Variants in MTHFD2L observed in about 807,000 individuals in gnomAD.
The protein encoded by MTHFD2L is bifunctional methylenetetrahydrofolate dehydrogenase/cyclohydrolase 2, mitochondrial.
In MTHFD2L, 29 loss-of-function variants were observed where a neutral mutation model predicts 34.9. The ratio of observed to expected loss-of-function variants is 0.83; its 90% CI spans 0.62 to 1.13. MTHFD2L has a LOEUF of 1.13. MTHFD2L is among the 50% of genes most tolerant of loss of function. The probability of loss-of-function intolerance (pLI) is 0.00; values close to 1 mark genes in which losing one functional copy is unlikely to be tolerated. For missense variants in MTHFD2L, 481 were observed against 446.5 expected (o/e 1.08, Z -0.70); for synonymous variants, 167 against 155.7 (o/e 1.07, Z -0.54).
At chr4:74,241,540 C>G in intron 6 of MTHFD2L, 1 of 440,592 alleles carries the variant, frequency 2.3e-6, no homozygotes, top group Non-Finnish European at 4.6e-6. Flanking sequence ...CACCACCATG[C>G]GTAGCTAATT....
intron 3 of MTHFD2L, among the ~76,000 whole-genome samples, chr4:74,199,228 T>G (rs1733993669): frequency 6.6e-6 from 1 of 152,128 alleles, no homozygotes; most frequent in African/African-American, 2.4e-5. Context: ...CAAATCATAG[T>G]AATATTTTTT....
At chr4:74,158,025 G>GTTCCGGCAGAC, upstream of MTHFD2L, 1 of 1,467,340 alleles carries the variant, frequency 6.8e-7, no homozygotes, top group Non-Finnish European at 9.2e-7. Flanking sequence ...ACCTGGCTGG[G>GTTCCGGCAGAC]AAGCGCTACT....
At chr4:74,224,014 A>C (rs1738689392) in intron 5 of MTHFD2L, 1 of 152,006 alleles carries the variant, frequency 6.6e-6, no homozygotes, top group African/African-American at 2.4e-5. Flanking sequence ...CTCATCATTG[A>C]ATGAGTTGGA....
intron 6 of MTHFD2L, among the ~76,000 whole-genome samples, chr4:74,248,968 G>A (rs543781404): frequency 3.5e-4 from 53 of 151,972 alleles, no homozygotes; most frequent in Non-Finnish European, 6.2e-4. Context: ...TTGATTTGGG[G>A]TGGAGAGTTC....
At chr4:74,200,493 C>G (rs974900149) in intron 4 of MTHFD2L, among the ~76,000 whole-genome samples, 2 of 152,120 alleles carry the variant, frequency 1.3e-5, no homozygotes, top group African/African-American at 4.8e-5. Context: ...GAAAACTTTT[C>G]TAAAATATAT....
chr4:74,174,827 C>T, intron 2 of MTHFD2L, 137 bp downstream of exon 2: 1 of 611,942 alleles, frequency 1.6e-6, no homozygotes, highest in Admixed American at 4.0e-5. Flanking sequence ...TATTCAGTTA[C>T]CAAAGCTTAT....
At chr4:74,165,483 G>A (rs1229377231) in intron 1 of MTHFD2L, among the ~76,000 whole-genome samples, 5 of 151,994 alleles carry the variant, frequency 3.3e-5, no homozygotes, top group African/African-American at 9.7e-5. Context: ...TCAACCTCCC[G>A]AGTAGCTGGG....
intron 1 of MTHFD2L, among the ~76,000 whole-genome samples, chr4:74,127,674 A>G (rs1293542536): frequency 1.3e-5 from 2 of 152,140 alleles, no homozygotes; most frequent in African/African-American, 4.8e-5. Flanking sequence ...GGTTGATTAC[A>G]TATTTTGTCT....
At chr4:74,178,153 A>T (rs1233418639) in intron 3 of MTHFD2L, among the ~76,000 whole-genome samples, 11 of 152,050 alleles carry the variant, frequency 7.2e-5, no homozygotes. Context: ...GACAGGAATA[A>T]GTTGTGGAGG....
At chr4:74,208,932 T>A (rs1477694760) in intron 5 of MTHFD2L, among the ~76,000 whole-genome samples, 2 of 152,056 alleles carry the variant, frequency 1.3e-5, no homozygotes, top group Admixed American at 6.6e-5. Context: ...GAGGGTGCTG[T>A]TTTGGGGAAA....
chr4:74,158,910 T>C (rs183604035), intron 1 of MTHFD2L, among the ~76,000 whole-genome samples: 1 of 152,282 alleles, frequency 6.6e-6, no homozygotes, highest in African/African-American at 2.4e-5. Flanking sequence ...TCTTATGCTT[T>C]ACCAGTCTTA....
chr4:74,141,610 C>T (rs1031221685), intron 1 of MTHFD2L, among the ~76,000 whole-genome samples: 3 of 152,198 alleles, frequency 2.0e-5, no homozygotes, highest in African/African-American at 7.2e-5. Context: ...ACTGACTTGA[C>T]ACAAAATTTC....
chr4:74,168,162 C>T (rs528518709), intron 1 of MTHFD2L, among the ~76,000 whole-genome samples: 5 of 152,298 alleles, frequency 3.3e-5, no homozygotes, highest in South Asian at 4.1e-4. Context: ...TAAATGGCTT[C>T]GTGTCTCACA....
chr4:74,283,803 C>T (rs920604625), intron 7 of MTHFD2L, among the ~76,000 whole-genome samples: 5 of 152,048 alleles, frequency 3.3e-5, no homozygotes, highest in African/African-American at 4.8e-5. Flanking sequence ...GAAGGCTTTG[C>T]CAGTGAGGCC....
At chr4:74,289,420 T>G (rs1326443568) in intron 7 of MTHFD2L, among the ~76,000 whole-genome samples, 1 of 151,950 alleles carries the variant, frequency 6.6e-6, no homozygotes, top group African/African-American at 2.4e-5. Context: ...AAACAGTAAG[T>G]AAGGAAGTGA....
At chr4:74,237,833 A>C (rs960544855) in intron 6 of MTHFD2L, among the ~76,000 whole-genome samples, 1 of 152,288 alleles carries the variant, frequency 6.6e-6, no homozygotes, top group Admixed American at 6.5e-5. Flanking sequence ...GTTCAAAAAA[A>C]GGTAGGGGAG....
chr4:74,208,782 C>T (rs536343732), intron 5 of MTHFD2L, among the ~76,000 whole-genome samples: 2 of 152,272 alleles, frequency 1.3e-5, no homozygotes, highest in South Asian at 2.1e-4. Flanking sequence ...TCTCTCAGAG[C>T]GCCACCCAGT....
At chr4:74,281,953 G>T (rs977978661) in intron 7 of MTHFD2L, among the ~76,000 whole-genome samples, 2 of 152,076 alleles carry the variant, frequency 1.3e-5, no homozygotes, top group Non-Finnish European at 2.9e-5. Flanking sequence ...GAGCCAGAAG[G>T]CACCTTAGGG....
At chr4:74,220,859 T>G (rs1204989415) in intron 5 of MTHFD2L, among the ~76,000 whole-genome samples, 1 of 150,992 alleles carries the variant, frequency 6.6e-6, no homozygotes, top group Non-Finnish European at 1.5e-5. Flanking sequence ...ACTTTTATGG[T>G]TTTTTTTCTA....
Sources: allele counts gnomAD v4.1 joint callset (sites outside exome capture counted in the v4.1 genomes callset), GRCh38; gene constraint gnomAD v4.1.1; transcripts MANE v1.5; gene names NCBI Gene and HGNC (gene_info 2026-07-23, HGNC 2026-07-21).